CBFB: variants seen among roughly 807,000 people sequenced by gnomAD.
CBFB encodes the protein CBF-beta.
CBFB carries 9 observed loss-of-function variants against 30.4 expected under a neutral mutation model. That is an observed-to-expected ratio of 0.30 (90% CI 0.18 to 0.52). The LOEUF (loss-of-function observed/expected upper bound fraction) is 0.52. CBFB is among the 20% of genes least tolerant of loss of function. The pLI, the probability that CBFB is intolerant of heterozygous loss-of-function variation, is 0.97. For missense variants in CBFB, 170 were observed against 244.0 expected (o/e 0.70, Z 2.02); for synonymous variants, 94 against 84.0 (o/e 1.12, Z -0.65).
chr16:67,094,256 G>A (rs1030727140), intron 5 of CBFB, among the ~76,000 whole-genome samples: 1 of 151,408 alleles, frequency 6.6e-6, no homozygotes. Context: ...CCGTGTCCGG[G>A]CCCCTCATTT....
intron 3 of CBFB, among the ~76,000 whole-genome samples, chr16:67,060,659 G>A (rs1322584107): frequency 7.9e-5 from 12 of 152,198 alleles, no homozygotes; most frequent in Admixed American, 3.9e-4. Flanking sequence ...GGGTTCAAAC[G>A]ATTCTCCTGC....
intron 5 of CBFB, among the ~76,000 whole-genome samples, chr16:67,097,938 C>T (rs984934019): frequency 6.6e-6 from 1 of 152,142 alleles, no homozygotes; most frequent in Non-Finnish European, 1.5e-5. Context: ...GACCCCATCT[C>T]TCTAAAAAAT....
At chr16:67,030,656 G>A (rs1297788415) in intron 2 of CBFB, among the ~76,000 whole-genome samples, 1 of 152,168 alleles carries the variant, frequency 6.6e-6, no homozygotes, top group African/African-American at 2.4e-5. Flanking sequence ...CTGGAGTACA[G>A]TGGCTCGATC....
At chr16:67,062,412 G>C (rs1328992520) in intron 3 of CBFB, among the ~76,000 whole-genome samples, 1 of 151,076 alleles carries the variant, frequency 6.6e-6, no homozygotes, top group African/African-American at 2.4e-5. Flanking sequence ...CAGGTGATCT[G>C]CCCTGCCTTG....
At chr16:67,075,566 G>GTGTA (rs1555538339) in intron 4 of CBFB, among the ~76,000 whole-genome samples, 1 of 151,630 alleles carries the variant, frequency 6.6e-6, no homozygotes, top group African/African-American at 2.4e-5. Flanking sequence ...GTGTGTGTGT[G>GTGTA]TATATATATA....
intron 3 of CBFB, among the ~76,000 whole-genome samples, chr16:67,049,236 T>A (rs1233718955): frequency 6.6e-6 from 1 of 151,976 alleles, no homozygotes; most frequent in African/African-American, 2.4e-5. Context: ...AGACAGAGTC[T>A]CTTGTCTGCC....
chr16:67,030,634 C>T (rs922039530), intron 2 of CBFB, among the ~76,000 whole-genome samples: 3 of 152,158 alleles, frequency 2.0e-5, no homozygotes, highest in African/African-American at 4.8e-5. Flanking sequence ...GAGTCTTGCT[C>T]TGTTGCCCAG....
rs1228742165 is a variant in CBFB at position 67,077,408 on chromosome 16, T to C, written c.400-4805T>C. On this transcript the variant is annotated intron_variant, in intron 4 of 5. Coordinates refer to ENST00000412916, the MANE Select transcript of CBFB (RefSeq NM_022845.3). ...CGTATAAACAGCTTTACTTTTTACA[T>C]ATGCACAAAAACGTGGGTGAAATTA... Among the ~76,000 whole-genome samples, 3 of 152,358 alleles carry C rather than the reference T, an allele frequency of 2.0e-5. No homozygotes were observed. The East Asian group carries it at 5.8e-4, about 29-fold the overall frequency.
At chr16:67,091,782 C>T (rs953469062) in intron 5 of CBFB, among the ~76,000 whole-genome samples, 1 of 152,044 alleles carries the variant, frequency 6.6e-6, no homozygotes, top group Non-Finnish European at 1.5e-5. Flanking sequence ...GCAGAATGTG[C>T]AGGTTTGTTA....
At chr16:67,059,556 C>G (rs1433444522) in intron 3 of CBFB, among the ~76,000 whole-genome samples, 3 of 152,164 alleles carry the variant, frequency 2.0e-5, no homozygotes, top group African/African-American at 7.2e-5. Flanking sequence ...ATCTGTAAGC[C>G]CAAACCCCTG....
chr16:67,084,198 T>C (rs1157342396), intron 5 of CBFB, among the ~76,000 whole-genome samples: 3 of 143,162 alleles, frequency 2.1e-5, no homozygotes, highest in South Asian at 2.1e-4. Flanking sequence ...AAGTATATTC[T>C]AGCAAAAATA....
At chr16:67,039,487 A>G (rs1029760910) in intron 3 of CBFB, among the ~76,000 whole-genome samples, 2 of 152,130 alleles carry the variant, frequency 1.3e-5, no homozygotes, top group Admixed American at 6.5e-5. Context: ...AAATTAAGCA[A>G]TTGCACTGCA....
chr16:67,087,394 A>G (rs2145777949), intron 5 of CBFB, among the ~76,000 whole-genome samples: 1 of 151,824 alleles, frequency 6.6e-6, no homozygotes, highest in East Asian at 1.9e-4. Flanking sequence ...TGTCTCTACA[A>G]AAAATTTAAA....
chr16:67,096,052 T>G (rs1346631908), intron 5 of CBFB, among the ~76,000 whole-genome samples: 1 of 150,366 alleles, frequency 6.7e-6, no homozygotes, highest in East Asian at 2.1e-4. Context: ...CTCACGCCTG[T>G]AATCCCAGCA....
intron 4 of CBFB, among the ~76,000 whole-genome samples, chr16:67,079,643 G>T (rs55712185): frequency 6.6e-6 from 1 of 151,092 alleles, no homozygotes; most frequent in African/African-American, 2.4e-5. Flanking sequence ...GCATCTCTGA[G>T]CACTGCATCA....
intron 5 of CBFB, among the ~76,000 whole-genome samples, chr16:67,096,925 C>CAAA (rs911939844): frequency 3.6e-5 from 3 of 83,470 alleles, no homozygotes; most frequent in African/African-American, 1.4e-4. Context: ...GACTCCGTCT[C>CAAA]AAAAAAAAAA....
intron 5 of CBFB, among the ~76,000 whole-genome samples, chr16:67,091,537 T>C (rs976601250): frequency 6.6e-6 from 1 of 152,202 alleles, no homozygotes; most frequent in Admixed American, 6.5e-5. Context: ...GGTAGGGCCA[T>C]CATGGTCCAA....
At position 67,029,402 on chromosome 16, in the gene CBFB, G is replaced by A. The variant is rs1426324533; in HGVS notation, c.-6G>A. The A allele has an allele frequency of 3.9e-6, 6 of 1,551,640 alleles. No homozygotes were observed. Among genetic ancestry groups the A allele is most frequent in the African/African-American group, 1.4e-5 (1 of 70,102 alleles). On this transcript the variant is annotated 5_prime_UTR_variant, in exon 1 of 6. Transcript: ENST00000412916. The stretch of plus-strand genomic sequence containing the variant: ...CGGCCGGCCGGCGCGGCCTCAGGGC[G>A]GGAAGATGCCGCGCGTCGTGCCCGA...
At position 67,099,082 on chromosome 16, in the gene CBFB, CTTTAA is replaced by C. The variant is rs764738239; in HGVS notation, c.*310_*314del. The C allele has an allele frequency of 2.7e-4, 86 of 313,754 alleles. 1 individual carries two copies. Among genetic ancestry groups the C allele is most frequent in the Admixed American group, 7.4e-4 (15 of 20,374 alleles). 19.4% of individuals were successfully genotyped at this position (313,754 alleles called of 1,614,324 possible). A position where few individuals can be genotyped will look rare whatever the true frequency, so the allele number is the denominator to read the frequency against. On this transcript the variant is annotated 3_prime_UTR_variant, in exon 6 of 6. Transcript: ENST00000412916. The stretch of plus-strand genomic sequence containing the variant: ...CAACTGTAAAGCTCCTTTTCTTCCA[CTTTAA>C]TTTAAAAGTTCATGTCATTTAAAAA...
Sources: allele counts gnomAD v4.1 joint callset (sites outside exome capture counted in the v4.1 genomes callset), GRCh38; gene constraint gnomAD v4.1.1; transcripts MANE v1.5; gene names NCBI Gene and HGNC (gene_info 2026-07-23, HGNC 2026-07-21).